DDX41: variants seen among roughly 807,000 people sequenced by gnomAD.
DDX41 encodes the protein probable ATP-dependent RNA helicase DDX41.
DDX41 carries 50 observed loss-of-function variants against 78.8 expected under a neutral mutation model. That is an observed-to-expected ratio of 0.63 (90% confidence interval 0.51 to 0.80). The LOEUF is 0.80. Among genes scored for constraint, DDX41 ranks in the 30% least tolerant of loss-of-function variants. The probability of loss-of-function intolerance (pLI) is 0.00; values close to 1 mark genes in which losing one functional copy is unlikely to be tolerated. For synonymous variants in DDX41, 381 were observed against 321.5 expected (o/e 1.19, Z -1.98); for missense variants, 633 against 849.2 (o/e 0.75, Z 3.16).
chr5:177,513,050 C>T lies in DDX41; in HGVS notation c.1263G>A (p.Met421Ile). ...EVEYVKEEAK[M>I]VYLLECLQKT... ...TCTGCAGGCACTCGAGCAGGTACAC[C>T]ATCTTGGCCTCCTCCTTCACATATT... is the stretch of plus-strand genomic sequence containing the variant. The change falls in exon 12 of 17, where the codon ATG (methionine) becomes ATA (isoleucine). Residue 421 changes from methionine (M) to isoleucine (I), a missense_variant. Coordinates refer to ENST00000330503, the MANE Select transcript of DDX41 (RefSeq NM_016222.4). The surrounding 1 kb of genome is among the most constrained non-coding windows in gnomAD (Gnocchi z 4.6). 1 of 1,613,964 alleles carries T rather than the reference C, an allele frequency of 6.2e-7. No homozygotes were observed. Among genetic ancestry groups the T allele is most frequent in the Non-Finnish European group, 8.5e-7 (1 of 1,179,950 alleles).
rs1761119946 is a variant in DDX41, at chr5:177,514,271, G to T, written c.936-424C>A. The T allele has an allele frequency of 2.0e-6, 1 of 489,246 alleles. No individual in the cohort carries two copies. The allele number at this position is 489,246 out of a possible 1,614,324, so 30.3% of individuals were successfully genotyped here. On this transcript the variant is annotated intron_variant, in intron 9 of 16. Coordinates refer to ENST00000330503, the MANE Select transcript of DDX41 (RefSeq NM_016222.4). This position sits in a 1 kb window ranked among gnomAD's most constrained non-coding sequence, Gnocchi z 4.2. ...CCTGGTCCAGGGCCTCTGGTGGTCT[G>T]CAGAGGACTGCACAGCACTGAAAGG...
chr5:177,513,610 C>A lies in DDX41; in HGVS notation c.1098+75G>T. On this transcript the variant is annotated intron_variant, in intron 10 of 16. Transcript: ENST00000330503. This position sits in a 1 kb window ranked among gnomAD's most constrained non-coding sequence, Gnocchi z 4.6. ...AGCAGTGGGTTGGGGTGGCCAGGGG[C>A]ATGGGGTCCCTGCAGTCTGATGTGG... The A allele has an allele frequency of 6.2e-7, 1 of 1,603,950 alleles. No individual in the cohort carries two copies. The highest frequency in any genetic ancestry group is 8.5e-7 in the Non-Finnish European group (1 of 1,173,148).
At chr5:177,516,587 G>T in intron 2 of DDX41, 138 bp downstream of exon 2, 1 of 1,384,176 alleles carries the variant, frequency 7.2e-7, no homozygotes, top group Non-Finnish European at 1.0e-6. Flanking sequence ...TCGGTCCCTC[G>T]TTTGTCTGGG....
At chr5:177,515,467 T>C (rs1411734475) in intron 6 of DDX41, 1 of 850,738 alleles carries the variant, frequency 1.2e-6, no homozygotes, top group Non-Finnish European at 1.9e-6. Context: ...CCAGTGTCTA[T>C]GCCCAATGGC....
chr5:177,512,113 G>T lies in DDX41; in HGVS notation c.1715C>A (p.Ser572Tyr). 6.2e-7 allele frequency: 1 copy of T among 1,613,276 alleles called. No individual in the cohort carries two copies. Reference protein sequence around the residue: ...VLQVLHCGDESMLDIGGERGC... With the variant: ...VLQVLHCGDEYMLDIGGERGC... ...GCAGTCACCTCCAATGTCCAGCATG[G>T]ACTCATCCCCGCAATGCAGCACCTG... Residue 572 changes from serine to tyrosine, a missense_variant, in exon 16 of 17, where the codon TCC becomes TAC. By Grantham distance (144) the Ser-to-Tyr change is moderately radical (BLOSUM62 -2). This residue lies in a region of DDX41 where 185 missense variants were observed against 367.4 expected (regional missense o/e 0.50). Coordinates refer to ENST00000330503, the MANE Select transcript of DDX41 (RefSeq NM_016222.4).
In DDX41 at chr5:177,513,740, C is replaced by A. The variant is rs1761091444; in HGVS notation, c.1043G>T (p.Arg348Leu). ...ACCCTCGAAGCCCATGTCGATCATG[C>A]GGTCAGCCTCGTCCAGGGCCAGGTA... ...CRYLALDEAD[R>L]MIDMGFEGDI... Residue 348 changes from arginine to leucine, a missense_variant, in exon 10 of 17, where the codon CGC (arginine) becomes CTC (leucine). Transcript: ENST00000330503. This position sits in a 1 kb window ranked among gnomAD's most constrained non-coding sequence, Gnocchi z 4.6. 6.2e-7 allele frequency: 1 copy of A among 1,613,810 alleles called. No individual in the cohort carries two copies. The highest frequency in any genetic ancestry group is 2.2e-5 in the East Asian group (1 of 44,886).
At position 177,512,310 on chromosome 5, in the gene DDX41, T is replaced by G. The variant is rs760325598; in HGVS notation, c.1621+12A>C. 1 of 1,613,852 alleles carries G rather than the reference T, an allele frequency of 6.2e-7. No homozygotes were observed. The highest frequency in any genetic ancestry group is 1.3e-5 in the African/African-American group (1 of 74,882). The stretch of plus-strand genomic sequence containing the variant: ...CAGGGAACAGCTAAGGTGGCGCTGG[T>G]AACAGACTCACCACACGCTTTGTTG... On this transcript the variant is annotated intron_variant, in intron 15 of 16. Coordinates refer to ENST00000330503, the MANE Select transcript of DDX41 (RefSeq NM_016222.4).
rs200374307 is a variant in DDX41 at position 177,512,770 on chromosome 5, C to T, written c.1399+10G>A. 458 of 1,613,958 alleles carry T rather than the reference C, an allele frequency of 2.8e-4. No homozygotes were observed. The highest frequency in any genetic ancestry group is 3.7e-4 in the Non-Finnish European group (436 of 1,179,926). On this transcript the variant is annotated intron_variant, in intron 13 of 16. Transcript: ENST00000330503. ...AGCAGGGTCCAAGCCAGTGCTTGCA[C>T]CACCCTGACCTTTGCCCCCATGGAT... is the stretch of plus-strand genomic sequence containing the variant.
chr5:177,513,263 G>A lies in DDX41; in HGVS notation c.1230+90C>T, dbSNP rs1761064134. Reference sequence around the variant, plus strand: ...TGAATGAAACCCCCGGTTCCCACAAGGTGGACCCCCGGCTCCAATCAGCTT... The same window carrying A: ...TGAATGAAACCCCCGGTTCCCACAAAGTGGACCCCCGGCTCCAATCAGCTT... On this transcript the variant is annotated intron_variant, in intron 11 of 16. Transcript: ENST00000330503. This position sits in a 1 kb window ranked among gnomAD's most constrained non-coding sequence, Gnocchi z 4.6. 6.3e-7 allele frequency: 1 copy of A among 1,581,188 alleles called. No individual in the cohort carries two copies. The highest frequency in any genetic ancestry group is 1.7e-4 in the Middle Eastern group (1 of 5,922).
chr5:177,513,160 G>T lies in DDX41; in HGVS notation c.1231-78C>A. 1 of 1,551,960 alleles carries T rather than the reference G, an allele frequency of 6.4e-7. No homozygotes were observed. On this transcript the variant is annotated intron_variant, in intron 11 of 16. Transcript: ENST00000330503. The surrounding 1 kb of genome is among the most constrained non-coding windows in gnomAD (Gnocchi z 4.6). ...CAGCCCTGCCATGGCCCGTCATCTG[G>T]ACCAGGAGGTGACCAGAAGCCTCTG... is the stretch of plus-strand genomic sequence containing the variant.
In DDX41 at chr5:177,511,790, C is replaced by T. The variant is rs372352153; in HGVS notation, c.*1G>A. The T allele has an allele frequency of 2.7e-5, 43 of 1,614,064 alleles. No individual in the cohort carries two copies. In the East Asian group the frequency reaches 6.0e-4, roughly 23 times the overall value. ...CTTGGAGAGAAGGGAAGACTGTCGG[C>T]TCAGAAGTCCATGGAGCTGTGGGCC... On this transcript the variant is annotated 3_prime_UTR_variant, in exon 17 of 17. Transcript: ENST00000330503.
chr5:177,512,760 A>C lies in DDX41; in HGVS notation c.1399+20T>G. 1 of 1,613,604 alleles carries C rather than the reference A, an allele frequency of 6.2e-7. No individual in the cohort carries two copies. The highest frequency in any genetic ancestry group is 8.5e-7 in the Non-Finnish European group (1 of 1,179,610). On this transcript the variant is annotated intron_variant, in intron 13 of 16. Coordinates refer to ENST00000330503, the MANE Select transcript of DDX41 (RefSeq NM_016222.4). ...CTGCTACTGCAGCAGGGTCCAAGCCAGTGCTTGCACCACCCTGACCTTTGC... is the reference window on the plus strand; with the variant it reads ...CTGCTACTGCAGCAGGGTCCAAGCCCGTGCTTGCACCACCCTGACCTTTGC...
chr5:177,515,489 G>A (rs1761184064), intron 6 of DDX41, 196 bp downstream of exon 6: 4 of 900,720 alleles, frequency 4.4e-6, no homozygotes, highest in Admixed American at 2.2e-5. Flanking sequence ...CTTTCCTCCT[G>A]AAGCTTTGTA....
Position 177,512,146 on chromosome 5 carries a change from G to A in DDX41, c.1682C>T (p.Pro561Leu), listed in dbSNP as rs998093581. Residue 561 changes from proline (P) to leucine (L), a missense_variant, in exon 16 of 17, where the codon CCC becomes CTC. Pro to Leu is a moderately conservative substitution (Grantham distance 98). Transcript: ENST00000330503. ...LLLEAKQKVP[P>L]VLQVLHCGDE... ...CCCGCAATGCAGCACCTGCAGCACG[G>A]GCGGCACCTTCTGCTTGGCTTCTAG... 37 of 1,613,490 alleles carry A rather than the reference G, an allele frequency of 2.3e-5. No individual in the cohort carries two copies. The highest frequency in any genetic ancestry group is 3.1e-5 in the Non-Finnish European group (37 of 1,180,022).
In DDX41 at chr5:177,512,661, C is replaced by A. The variant is rs1167876899; in HGVS notation, c.1400-16G>T. 6.2e-7 allele frequency: 1 copy of A among 1,613,846 alleles called. No homozygotes were observed. The highest frequency in any genetic ancestry group is 2.2e-5 in the East Asian group (1 of 44,884). On this transcript the variant is annotated splice_polypyrimidine_tract_variant and intron_variant, in intron 13 of 16. Coordinates refer to ENST00000330503, the MANE Select transcript of DDX41 (RefSeq NM_016222.4). ...TCCTCCTGGTCTGGGGAGGGTCAGG[C>A]AGACACTGTCAGAGCCACCATGGGA...
Position 177,514,467 on chromosome 5 carries a change from TCCCAGATGTC to T in DDX41, c.935+224_935+233del, listed in dbSNP as rs1761129976. Among the ~76,000 whole-genome samples, 1 of 152,126 alleles carries T rather than the reference TCCCAGATGTC, an allele frequency of 6.6e-6. No homozygotes were observed. Among genetic ancestry groups the T allele is most frequent in the African/African-American group, 2.4e-5 (1 of 41,418 alleles). On this transcript the variant is annotated intron_variant, in intron 9 of 16. Transcript: ENST00000330503. This position sits in a 1 kb window ranked among gnomAD's most constrained non-coding sequence, Gnocchi z 4.2. ...GAAAAGCCTTCTCTGAGCTCCCACC[TCCCAGATGTC>T]CCCAGCAAGGTGGGCCATTCCATCT...
Position 177,516,934 on chromosome 5 carries a change from C to T in DDX41, c.12G>A (p.Ser4=). 1 of 1,613,074 alleles carries T rather than the reference C, an allele frequency of 6.2e-7. No homozygotes were observed. The highest frequency in any genetic ancestry group is 8.5e-7 in the Non-Finnish European group (1 of 1,179,910). The change falls in exon 1 of 17, where the codon TCG becomes TCA. Residue 4 remains serine, a synonymous_variant. Coordinates refer to ENST00000330503, the MANE Select transcript of DDX41 (RefSeq NM_016222.4). MEE[S]EPERKRARTD... Reference sequence around the variant, plus strand: ...TCTCTCCTACCTTCCGTTCGGGTTCCGACTCCTCCATTCTTTGCTGCACGC... The same window carrying T: ...TCTCTCCTACCTTCCGTTCGGGTTCTGACTCCTCCATTCTTTGCTGCACGC...
intron 12 of DDX41, 38 bp from the exon 13 acceptor site, chr5:177,512,914 C>A (rs368459114): frequency 4.2e-5 from 67 of 1,606,908 alleles, no homozygotes; most frequent in Non-Finnish European, 5.2e-5. Flanking sequence ...GGGCTAACTG[C>A]CTGGGCACCC....
chr5:177,515,800 A>T lies in DDX41; in HGVS notation c.456T>A (p.Val152=), dbSNP rs955969841. Residue 152 remains valine, a synonymous_variant, in exon 6 of 17, where the codon GTT becomes GTA. Transcript: ENST00000330503. ...CATGTCGCTCTTCAGACATGCTCAGAACATAACGGGGTGGAGTCCAGCTGT... is the reference window on the plus strand; with the variant it reads ...CATGTCGCTCTTCAGACATGCTCAGTACATAACGGGGTGGAGTCCAGCTGT... ...IKTSWTPPRY[V]LSMSEERHER... 5.0e-6 allele frequency: 8 copies of T among 1,614,020 alleles called. No individual in the cohort carries two copies. Among genetic ancestry groups the T allele is most frequent in the Non-Finnish European group, 6.8e-6 (8 of 1,180,040 alleles).
Sources: allele counts gnomAD v4.1 joint callset (sites outside exome capture counted in the v4.1 genomes callset), GRCh38; gene constraint gnomAD v4.1.1; regional missense constraint gnomAD v4.1.1; non-coding constraint Gnocchi (gnomAD v3.1); transcripts MANE v1.5; gene names NCBI Gene and HGNC (gene_info 2026-07-23, HGNC 2026-07-21).